SLC35D1: variants seen among roughly 807,000 people sequenced by gnomAD.
SLC35D1 encodes the protein nucleotide sugar transporter SLC35D1.
SLC35D1 carries 31 observed loss-of-function variants against 46.7 expected under a neutral mutation model. The observed-to-expected ratio is 0.66, with a 90% CI of 0.50 to 0.90. The LOEUF (loss-of-function observed/expected upper bound fraction) is 0.90, where lower values mean the gene tolerates loss of function less well. Among genes scored for constraint, SLC35D1 ranks in the 40% least tolerant of loss-of-function variants. The probability of loss-of-function intolerance (pLI) is 0.00; values close to 1 mark genes in which losing one functional copy is unlikely to be tolerated. For synonymous variants in SLC35D1, 195 were observed against 164.6 expected (o/e 1.18, Z -1.41); for missense variants, 397 against 426.2 (o/e 0.93, Z 0.60).
chr1:67,008,231 T>A (rs758742876), intron 11 of SLC35D1: 9 of 156,338 alleles, frequency 5.8e-5, no homozygotes, highest in Non-Finnish European at 9.7e-5. Context: ...CTCCGCCTCC[T>A]GGGTTCAAGC....
chr1:66,976,476 T>C, the SLC35D1 span: 14 of 806,166 alleles, frequency 1.7e-5, no homozygotes, highest in South Asian at 2.8e-4. Context: ...TTGTATGTTA[T>C]ATATAGGATT....
chr1:67,015,040 AATAT>A (rs1667653256), intron 10 of SLC35D1, among the ~76,000 whole-genome samples: 1 of 150,798 alleles, frequency 6.6e-6, no homozygotes, highest in Non-Finnish European at 1.5e-5. Flanking sequence ...TATCATAATT[AATAT>A]ATATAATTAA....
intron 10 of SLC35D1, among the ~76,000 whole-genome samples, chr1:67,012,693 G>C (rs1667592679): frequency 6.6e-6 from 1 of 151,844 alleles, no homozygotes. Flanking sequence ...GCAAAAATCT[G>C]ACCTAAAACA....
chr1:66,985,087 C>G, the SLC35D1 span: 1 of 1,321,978 alleles, frequency 7.6e-7, no homozygotes, highest in Non-Finnish European at 9.7e-7. Flanking sequence ...AGCTGTCAGA[C>G]TCTTTTAAGG....
chr1:66,999,985 T>C lies in SLC35D1; in HGVS notation c.*4355A>G, dbSNP rs1404758519. 6.6e-6 allele frequency: 1 copy of C among 152,084 alleles called. No individual in the cohort carries two copies. The highest frequency in any genetic ancestry group is 2.4e-5 in the African/African-American group (1 of 41,408). The allele number at this position is 152,084 out of a possible 1,614,324, so 9.4% of individuals were successfully genotyped here. A position where few individuals can be genotyped will look rare whatever the true frequency, so the allele number is the denominator to read the frequency against. ...GTTTCTTTAAGATAGAAAATAATTT[T>C]CCTGGCCGGACATGTGGCACACACC... On this transcript the variant is annotated 3_prime_UTR_variant, in exon 12 of 12. Coordinates refer to ENST00000235345, the MANE Select transcript of SLC35D1 (RefSeq NM_015139.3).
intron 6 of SLC35D1, among the ~76,000 whole-genome samples, chr1:67,048,781 C>T (rs908020191): frequency 6.6e-6 from 1 of 152,190 alleles, no homozygotes; most frequent in Non-Finnish European, 1.5e-5. Flanking sequence ...TGTGGGTATA[C>T]ATTTTCCTCA....
downstream of SLC35D1, among the ~76,000 whole-genome samples, chr1:66,997,229 G>A (rs1362871739): frequency 6.6e-6 from 1 of 152,050 alleles, no homozygotes; most frequent in African/African-American, 2.4e-5. Context: ...CTGATAAAGG[G>A]GCTGGGCACA....
intron 8 of SLC35D1, among the ~76,000 whole-genome samples, chr1:67,032,635 C>A (rs1010999625): frequency 1.3e-5 from 2 of 152,032 alleles, no homozygotes; most frequent in South Asian, 4.2e-4. Flanking sequence ...GAGCCGAGAT[C>A]GCACCATTGC....
At chr1:67,023,969 G>A (rs1164687794) in intron 8 of SLC35D1, among the ~76,000 whole-genome samples, 1 of 147,002 alleles carries the variant, frequency 6.8e-6, no homozygotes. Flanking sequence ...TTTTAAGACA[G>A]AGTCTCACTA....
Position 67,004,376 on chromosome 1 carries a change from A to G in SLC35D1, c.1032T>C (p.Asn344=). ...EEQLSKQSEA[N]NKLDIKGKGA... ...CTTTCCCCTTAATGTCCAGCTTGTT[A>G]TTAGCCTCTGACTGTTTGCTCAGCT... The change falls in exon 12 of 12, where the codon AAT becomes AAC. Residue 344 remains asparagine, a synonymous_variant. Coordinates refer to ENST00000235345, the MANE Select transcript of SLC35D1 (RefSeq NM_015139.3). 6.2e-7 allele frequency: 1 copy of G among 1,614,008 alleles called. No homozygotes were observed. The highest frequency in any genetic ancestry group is 8.5e-7 in the Non-Finnish European group (1 of 1,179,956).
chr1:67,033,363 C>A (rs1319955976), intron 8 of SLC35D1, among the ~76,000 whole-genome samples: 3 of 152,014 alleles, frequency 2.0e-5, no homozygotes, highest in African/African-American at 7.2e-5. Context: ...TGAGGGTTCC[C>A]TTTTATTCAC....
chr1:67,049,453 C>T (rs917528979), intron 6 of SLC35D1, among the ~76,000 whole-genome samples: 4 of 152,028 alleles, frequency 2.6e-5, no homozygotes, highest in Non-Finnish European at 4.4e-5. Flanking sequence ...AAAATTATAC[C>T]CATACCTCTC....
At chr1:67,010,195 G>GT (rs986306623) in intron 10 of SLC35D1, among the ~76,000 whole-genome samples, 6 of 152,098 alleles carry the variant, frequency 3.9e-5, no homozygotes, top group African/African-American at 1.4e-4. Context: ...AGGTGGGAGG[G>GT]TAAAAGGGGG....
chr1:67,039,193 C>A (rs984184102), intron 8 of SLC35D1, among the ~76,000 whole-genome samples: 1 of 152,148 alleles, frequency 6.6e-6, no homozygotes, highest in Non-Finnish European at 1.5e-5. Flanking sequence ...CAATGTGGGT[C>A]AAGAGTCTGC....
the SLC35D1 span, among the ~76,000 whole-genome samples, chr1:66,992,839 A>C: frequency 6.6e-6 from 1 of 152,250 alleles, no homozygotes; most frequent in Admixed American, 6.5e-5. Flanking sequence ...TCACAGAGAA[A>C]GACTATTAGG....
chr1:67,009,096 A>T lies in SLC35D1; in HGVS notation c.948T>A (p.Gly316=). ...ATATTTTTACTTACCTGATATTTAA[A>T]CCAATGAAGTTTGTCCACGTGAAAA... ...DYIFTWTNFI[G]LNISIAGSLV... Residue 316 remains glycine (G), a synonymous_variant, in exon 11 of 12, where the codon GGT becomes GGA. Coordinates refer to ENST00000235345, the MANE Select transcript of SLC35D1 (RefSeq NM_015139.3). 1 of 1,485,220 alleles carries T rather than the reference A, an allele frequency of 6.7e-7. No homozygotes were observed. The highest frequency in any genetic ancestry group is 9.4e-7 in the Non-Finnish European group (1 of 1,065,844). The allele number at this position is 1,485,220 out of a possible 1,614,324, so 92.0% of individuals were successfully genotyped here.
At chr1:67,009,429 A>G (rs1667519051) in intron 10 of SLC35D1, among the ~76,000 whole-genome samples, 1 of 152,216 alleles carries the variant, frequency 6.6e-6, no homozygotes, top group African/African-American at 2.4e-5. Flanking sequence ...ATGGGAGAAA[A>G]TATTCACAAA....
At chr1:67,006,217 T>C (rs1348406846) in intron 11 of SLC35D1, among the ~76,000 whole-genome samples, 1 of 152,162 alleles carries the variant, frequency 6.6e-6, no homozygotes, top group African/African-American at 2.4e-5. Flanking sequence ...CTTTTTCCCA[T>C]TTAATTTTTT....
intron 9 of SLC35D1, among the ~76,000 whole-genome samples, chr1:67,020,741 C>A (rs1667780694): frequency 6.6e-6 from 1 of 152,164 alleles, no homozygotes; most frequent in South Asian, 2.1e-4. Context: ...TACACCTAAG[C>A]CAGCCAGACA....
Sources: gnomAD v4.1 joint callset for allele counts (sites outside exome capture counted in the v4.1 genomes callset) on GRCh38, gnomAD v4.1.1 for gene constraint, MANE v1.5 for transcripts, NCBI Gene and HGNC (gene_info 2026-07-23, HGNC 2026-07-21) for gene names.